Variants in CFAP107 observed in about 807,000 individuals in gnomAD.
CFAP107 encodes the protein cilia- and flagella-associated protein 107.
chr1:12,746,346 A>C, the CFAP107 span: 1 of 1,114,140 alleles, frequency 9.0e-7, no homozygotes, highest in Non-Finnish European at 1.3e-6. Flanking sequence ...GGCACCCCAA[A>C]CTCAGCAACT....
the CFAP107 span, among the ~76,000 whole-genome samples, chr1:12,756,645 TCCCAC>T: frequency 6.6e-6 from 1 of 152,098 alleles, no homozygotes; most frequent in Non-Finnish European, 1.5e-5. Context: ...GTCTCCCCAC[TCCCAC>T]CCCACCTGAC....
At chr1:12,759,690 T>C in the CFAP107 span, 2 of 669,146 alleles carry the variant, frequency 3.0e-6, no homozygotes, top group Admixed American at 2.2e-5. Flanking sequence ...TAATCTTGGC[T>C]GTGTAATGAA....
chr1:12,759,266 C>T, the CFAP107 span: 2 of 1,597,756 alleles, frequency 1.3e-6, no homozygotes, highest in Non-Finnish European at 1.7e-6. Flanking sequence ...CAGGTGGATG[C>T]TTCGCTCCTA....
chr1:12,754,290 T>C, the CFAP107 span, among the ~76,000 whole-genome samples: 3 of 152,240 alleles, frequency 2.0e-5, no homozygotes. Context: ...ACCTCACTGA[T>C]TATTAGGGAA....
At chr1:12,756,827 T>G in the CFAP107 span, among the ~76,000 whole-genome samples, 52,405 of 152,012 alleles carry the variant, frequency 0.34, 9,664 homozygotes, top group African/African-American at 0.49. Context: ...TGGCTTGTTG[T>G]TAGGGATGAA....
At chr1:12,754,906 A>G in the CFAP107 span, among the ~76,000 whole-genome samples, 8 of 152,310 alleles carry the variant, frequency 5.3e-5, no homozygotes, top group African/African-American at 1.9e-4. Context: ...CAGTTTTGCA[A>G]TGTAAGTAAA....
the CFAP107 span, chr1:12,753,210 T>C: frequency 6.6e-6 from 1 of 151,818 alleles, no homozygotes; most frequent in Non-Finnish European, 1.5e-5. Context: ...TGCTGAAAAA[T>C]ATAAAGAGGA....
the CFAP107 span, among the ~76,000 whole-genome samples, chr1:12,750,379 T>G: frequency 1.3e-5 from 2 of 152,330 alleles, no homozygotes; most frequent in African/African-American, 4.8e-5. Flanking sequence ...AGTCCTTCCC[T>G]ATCAGTAATC....
At chr1:12,747,649 G>A in the CFAP107 span, among the ~76,000 whole-genome samples, 1 of 152,124 alleles carries the variant, frequency 6.6e-6, no homozygotes, top group East Asian at 1.9e-4. Context: ...TGTTTTCCTG[G>A]AGAACATTAG....
At chr1:12,761,900 G>A in the CFAP107 span, 1 of 152,250 alleles carries the variant, frequency 6.6e-6, no homozygotes, top group East Asian at 1.9e-4. Context: ...TTGGGAGAGA[G>A]GGTGGATCTC....
chr1:12,757,080 G>A, the CFAP107 span, among the ~76,000 whole-genome samples: 1 of 152,188 alleles, frequency 6.6e-6, no homozygotes, highest in Non-Finnish European at 1.5e-5. Context: ...AGACACAAAT[G>A]AATTTTAACA....
chr1:12,755,896 A>G, the CFAP107 span: 3 of 927,036 alleles, frequency 3.2e-6, no homozygotes, highest in East Asian at 7.4e-5. Context: ...TTATAGGCTT[A>G]GTACCGTCTT....
chr1:12,761,978 C>T, the CFAP107 span: 7 of 152,314 alleles, frequency 4.6e-5, no homozygotes, highest in East Asian at 5.8e-4. Flanking sequence ...GCTCAGTGCT[C>T]GCACAGAGCT....
At chr1:12,746,503 A>G in the CFAP107 span, 3 of 1,613,730 alleles carry the variant, frequency 1.9e-6, no homozygotes, top group Middle Eastern at 1.7e-4. Context: ...GTATTCAACG[A>G]AAGTGCTCAC....
chr1:12,755,572 A>G, the CFAP107 span: 2 of 701,768 alleles, frequency 2.8e-6, no homozygotes, highest in Non-Finnish European at 5.2e-6. Context: ...TGTGTTGGGC[A>G]GGGTGTCCAG....
the CFAP107 span, among the ~76,000 whole-genome samples, chr1:12,748,114 G>C: frequency 6.6e-6 from 1 of 152,184 alleles, no homozygotes; most frequent in Admixed American, 6.5e-5. Context: ...CTGCATTTTA[G>C]GGTAAGTGGC....
the CFAP107 span, chr1:12,762,733 A>C: frequency 4.6e-5 from 7 of 152,534 alleles, no homozygotes; most frequent in East Asian, 1.2e-3. Flanking sequence ...GCATGAGGTA[A>C]ATGGCTGCAG....
At chr1:12,752,957 G>C in the CFAP107 span, among the ~76,000 whole-genome samples, 2 of 152,162 alleles carry the variant, frequency 1.3e-5, no homozygotes, top group Non-Finnish European at 2.9e-5. Flanking sequence ...TTATATACAG[G>C]AAACCTCTAA....
chr1:12,755,962 G>A, the CFAP107 span: 2 of 607,538 alleles, frequency 3.3e-6, no homozygotes, highest in Non-Finnish European at 6.0e-6. Flanking sequence ...GCTGCAGATA[G>A]CACTAACCAA....
Sources: gnomAD v4.1 joint callset for allele counts (sites outside exome capture counted in the v4.1 genomes callset) on GRCh38, gnomAD v4.1.1 for gene constraint, MANE v1.5 for transcripts, NCBI Gene and HGNC (gene_info 2026-07-23, HGNC 2026-07-21) for gene names.